Variants in GUCY1A2 observed in about 807,000 individuals in gnomAD.
GUCY1A2 encodes guanylate cyclase soluble subunit alpha-2.
A neutral mutation model predicts 63.5 loss-of-function variants in GUCY1A2; 27 were observed. The ratio of observed to expected loss-of-function variants is 0.43; its 90% CI spans 0.31 to 0.59. The LOEUF (loss-of-function observed/expected upper bound fraction) is 0.59. GUCY1A2 is among the 20% of genes least tolerant of loss of function. GUCY1A2 has a pLI of 0.11. For synonymous variants in GUCY1A2, 364 were observed against 343.5 expected, an observed-to-expected ratio of 1.06 and a Z score of -0.66; for missense variants, 768 against 913.3, an observed-to-expected ratio of 0.84 and a Z score of 2.05.
chr11:106,740,406 T>C (rs1021227153), intron 6 of GUCY1A2, among the ~76,000 whole-genome samples: 1 of 152,172 alleles, frequency 6.6e-6, no homozygotes, highest in East Asian at 1.9e-4. Flanking sequence ...GATAGATTTT[T>C]ATTTTTCTAT....
At chr11:106,833,009 G>C (rs2135438066) in intron 4 of GUCY1A2, among the ~76,000 whole-genome samples, 1 of 152,114 alleles carries the variant, frequency 6.6e-6, no homozygotes, top group East Asian at 1.9e-4. Flanking sequence ...ATGTATTGGA[G>C]GCTATGAGTC....
chr11:106,738,104 G>A (rs909361680), intron 6 of GUCY1A2, among the ~76,000 whole-genome samples: 1 of 152,130 alleles, frequency 6.6e-6, no homozygotes, highest in Non-Finnish European at 1.5e-5. Context: ...GGTGTGAGAT[G>A]GTATCTCATT....
intron 4 of GUCY1A2, among the ~76,000 whole-genome samples, chr11:106,820,694 G>A (rs896912820): frequency 2.6e-5 from 4 of 152,044 alleles, no homozygotes; most frequent in Admixed American, 6.6e-5. Flanking sequence ...CACTGCACCT[G>A]GCCTAGCCTA....
chr11:106,885,782 C>T (rs565263277), intron 4 of GUCY1A2, among the ~76,000 whole-genome samples: 135 of 152,300 alleles, frequency 8.9e-4, no homozygotes, highest in African/African-American at 3.0e-3. Context: ...CAACTTATTA[C>T]AATCATCACA....
chr11:106,809,418 C>A (rs1205543397), intron 5 of GUCY1A2, among the ~76,000 whole-genome samples: 1 of 151,906 alleles, frequency 6.6e-6, no homozygotes, highest in African/African-American at 2.4e-5. Flanking sequence ...GTGGTTGGCA[C>A]CAATTTTGGA....
At chr11:106,754,393 T>C (rs1249694617) in intron 6 of GUCY1A2, among the ~76,000 whole-genome samples, 2 of 152,198 alleles carry the variant, frequency 1.3e-5, no homozygotes, top group African/African-American at 4.8e-5. Context: ...CAATACTATA[T>C]TGAATAGGAG....
chr11:106,778,543 C>T (rs1274763015), intron 5 of GUCY1A2, among the ~76,000 whole-genome samples: 2 of 152,024 alleles, frequency 1.3e-5, no homozygotes, highest in South Asian at 2.1e-4. Flanking sequence ...CACCTGTAGT[C>T]CCAGCTACTC....
At chr11:106,755,952 A>T (rs1416104973) in intron 6 of GUCY1A2, among the ~76,000 whole-genome samples, 1 of 152,104 alleles carries the variant, frequency 6.6e-6, no homozygotes, top group Non-Finnish European at 1.5e-5. Context: ...TAGGGTGTTA[A>T]ATTCTCCGAT....
At chr11:106,793,525 G>A (rs1018018835) in intron 5 of GUCY1A2, among the ~76,000 whole-genome samples, 3 of 151,644 alleles carry the variant, frequency 2.0e-5, no homozygotes, top group Non-Finnish European at 2.9e-5. Flanking sequence ...AAAATATTCT[G>A]CATAGCAAAA....
intron 3 of GUCY1A2, among the ~76,000 whole-genome samples, chr11:106,948,691 A>C (rs958836799): frequency 6.6e-6 from 1 of 152,210 alleles, no homozygotes; most frequent in African/African-American, 2.4e-5. Flanking sequence ...TAAAATAACC[A>C]GTAAACACAT....
In GUCY1A2 at chr11:107,007,447, T is replaced by C. The variant is rs73555837; in HGVS notation, c.303+10306A>G. Reference sequence around the variant, plus strand: ...CGTTTGGACATTCACTCATTATTCCTGAAGACATAACCCTCCACTCCAGCG... The same window carrying C: ...CGTTTGGACATTCACTCATTATTCCCGAAGACATAACCCTCCACTCCAGCG... On this transcript the variant is annotated intron_variant, in intron 1 of 7. Transcript: ENST00000526355. Among the ~76,000 whole-genome samples, 1,423 of 152,330 alleles carry C rather than the reference T, an allele frequency of 9.3e-3. 20 individuals carry two copies. Among genetic ancestry groups the C allele is most frequent in the African/African-American group, 0.032 (1,310 of 41,574 alleles).
intron 3 of GUCY1A2, among the ~76,000 whole-genome samples, chr11:106,957,061 C>A (rs1011227887): frequency 6.6e-6 from 1 of 152,282 alleles, no homozygotes; most frequent in South Asian, 2.1e-4. Context: ...GCACTCTAGC[C>A]GCAGACTGCC....
intron 4 of GUCY1A2, among the ~76,000 whole-genome samples, chr11:106,814,213 C>G (rs920496901): frequency 2.0e-5 from 3 of 152,076 alleles, no homozygotes; most frequent in African/African-American, 7.2e-5. Context: ...CATGACTATT[C>G]TTTAGAATTC....
At chr11:106,803,607 A>G (rs1366343777) in intron 5 of GUCY1A2, among the ~76,000 whole-genome samples, 1 of 152,164 alleles carries the variant, frequency 6.6e-6, no homozygotes, top group East Asian at 1.9e-4. Context: ...AATAGCTAAT[A>G]TGTACATTTA....
intron 3 of GUCY1A2, among the ~76,000 whole-genome samples, chr11:106,949,634 T>G (rs1347780703): frequency 6.6e-6 from 1 of 152,148 alleles, no homozygotes; most frequent in African/African-American, 2.4e-5. Context: ...GCCTAATATT[T>G]CCCACACAAT....
chr11:106,903,095 T>C (rs75103053), intron 4 of GUCY1A2, among the ~76,000 whole-genome samples: 3,706 of 152,040 alleles, frequency 0.024, 145 homozygotes, highest in African/African-American at 0.083. Context: ...CTTTAGAATG[T>C]AAACTTCTAA....
intron 5 of GUCY1A2, among the ~76,000 whole-genome samples, chr11:106,808,612 T>C (rs992306804): frequency 2.0e-5 from 3 of 151,266 alleles, no homozygotes; most frequent in African/African-American, 7.3e-5. Flanking sequence ...CATTTAGTTG[T>C]ATGAACTTAG....
chr11:106,859,842 C>G (rs1859485252), intron 4 of GUCY1A2, among the ~76,000 whole-genome samples: 1 of 151,902 alleles, frequency 6.6e-6, no homozygotes, highest in South Asian at 2.1e-4. Flanking sequence ...AGCTTCAGAG[C>G]AATAGGTTAT....
intron 1 of GUCY1A2, among the ~76,000 whole-genome samples, chr11:107,007,159 T>C (rs1861682133): frequency 6.6e-6 from 1 of 152,144 alleles, no homozygotes; most frequent in Admixed American, 6.6e-5. Context: ...TAAATATCCT[T>C]GGGCTTTTCA....
Sources: gnomAD v4.1 joint callset for allele counts (sites outside exome capture counted in the v4.1 genomes callset) on GRCh38, gnomAD v4.1.1 for gene constraint, MANE v1.5 for transcripts, NCBI Gene and HGNC (gene_info 2026-07-23, HGNC 2026-07-21) for gene names.